The following NRXN3 variants were observed in gnomAD, a reference collection of about 807,000 sequenced individuals.
NRXN3 encodes neurexin 3.
In NRXN3, 32 loss-of-function variants were observed where a neutral mutation model predicts 137.6. That is an observed-to-expected ratio of 0.23 (90% confidence interval 0.18 to 0.31). NRXN3 has a LOEUF of 0.31. Among genes scored for constraint, NRXN3 ranks in the 10% least tolerant of loss-of-function variants. The pLI is 1.00. For synonymous variants in NRXN3, 798 were observed against 784.5 expected (o/e 1.02, Z -0.29); for missense variants, 1,574 against 2,062.5 (o/e 0.76, Z 4.59).
intron 4 of NRXN3, among the ~76,000 whole-genome samples, chr14:78,577,553 C>T (rs893348220): frequency 6.6e-6 from 1 of 152,072 alleles, no homozygotes; most frequent in African/African-American, 2.4e-5. Context: ...ACAACCGCCA[C>T]CTCCCAGGTT....
At chr14:78,433,148 C>T (rs978358615) in intron 4 of NRXN3, among the ~76,000 whole-genome samples, 1 of 152,066 alleles carries the variant, frequency 6.6e-6, no homozygotes. Flanking sequence ...TATTGTTGGC[C>T]AAATTCTATG....
chr14:78,671,694 C>T (rs1056296526), intron 6 of NRXN3, among the ~76,000 whole-genome samples: 1 of 152,072 alleles, frequency 6.6e-6, no homozygotes, highest in Admixed American at 6.6e-5. Context: ...CATTTATATT[C>T]TCCTTTTCTC....
At chr14:78,808,582 A>G (rs1407674537) in intron 9 of NRXN3, among the ~76,000 whole-genome samples, 4 of 151,818 alleles carry the variant, frequency 2.6e-5, no homozygotes, top group Non-Finnish European at 4.4e-5. Flanking sequence ...CACCAGGGGC[A>G]TGGCCTCCTC....
chr14:78,764,513 AC>A (rs2098702514), intron 8 of NRXN3, among the ~76,000 whole-genome samples: 2 of 152,350 alleles, frequency 1.3e-5, no homozygotes, highest in South Asian at 4.1e-4. Context: ...CATGTGGGAA[AC>A]ATACCTTAAA....
intron 4 of NRXN3, among the ~76,000 whole-genome samples, chr14:78,356,340 G>T (rs1404246740): frequency 6.6e-6 from 1 of 152,260 alleles, no homozygotes; most frequent in Non-Finnish European, 1.5e-5. Flanking sequence ...ATATGGGCAA[G>T]TCAGGAATAG....
intron 15 of NRXN3, among the ~76,000 whole-genome samples, chr14:79,387,050 T>G (rs1439945450): frequency 4.6e-5 from 7 of 152,064 alleles, no homozygotes; most frequent in Non-Finnish European, 1.0e-4. Flanking sequence ...GGGCAAGGAC[T>G]TCATGTCTAA....
chr14:79,092,362 A>G (rs946628868), intron 15 of NRXN3, among the ~76,000 whole-genome samples: 1 of 152,178 alleles, frequency 6.6e-6, no homozygotes, highest in East Asian at 1.9e-4. Flanking sequence ...ATATCAAGAA[A>G]AACATAGAAG....
At chr14:79,035,329 T>C (rs10135754) in intron 15 of NRXN3, among the ~76,000 whole-genome samples, 58,030 of 151,964 alleles carry the variant, frequency 0.38, 11,621 homozygotes, top group Admixed American at 0.49. Context: ...CCTCACTCTA[T>C]AGCCTTGTCT....
intron 15 of NRXN3, among the ~76,000 whole-genome samples, chr14:79,381,019 A>G (rs2094455532): frequency 6.6e-6 from 1 of 152,076 alleles, no homozygotes; most frequent in Admixed American, 6.6e-5. Flanking sequence ...ACAGGCAGGT[A>G]AAGGGTACAC....
intron 4 of NRXN3, among the ~76,000 whole-genome samples, chr14:78,595,139 A>G (rs115827841): frequency 0.031 from 4,674 of 152,288 alleles, 194 homozygotes; most frequent in African/African-American, 0.094. Context: ...TGATTGAGGC[A>G]ACTGTAGTTG....
intron 10 of NRXN3, among the ~76,000 whole-genome samples, chr14:78,938,747 A>G (rs31451): frequency 0.11 from 16,981 of 151,864 alleles, 1,224 homozygotes; most frequent in African/African-American, 0.19. Context: ...TAGATGTTGC[A>G]TATCTTTGGC....
chr14:78,238,116 G>A (rs2153448557), intron 1 of NRXN3, among the ~76,000 whole-genome samples: 1 of 151,176 alleles, frequency 6.6e-6, no homozygotes, highest in Admixed American at 6.6e-5. Context: ...GTGGCAAATA[G>A]CCCACATGTC....
intron 1 of NRXN3, among the ~76,000 whole-genome samples, chr14:78,224,646 G>A (rs537432167): frequency 2.9e-4 from 43 of 150,566 alleles, no homozygotes; most frequent in African/African-American, 1.0e-3. Context: ...TGGTGTATAT[G>A]TGCCACATTT....
intron 16 of NRXN3, among the ~76,000 whole-genome samples, chr14:79,595,046 C>A (rs903978172): frequency 6.6e-5 from 10 of 152,104 alleles, no homozygotes; most frequent in African/African-American, 2.4e-4. Context: ...TGAAAATTGG[C>A]AGTTATGTAT....
At chr14:79,646,872 C>A (rs1328495198) in intron 16 of NRXN3, among the ~76,000 whole-genome samples, 3 of 136,044 alleles carry the variant, frequency 2.2e-5, no homozygotes, top group African/African-American at 7.3e-5. Flanking sequence ...TCTAGTGAGA[C>A]TCCTTTCTTC....
chr14:79,210,144 C>A (rs61995406), intron 15 of NRXN3, among the ~76,000 whole-genome samples: 15,532 of 152,172 alleles, frequency 0.1, 1,112 homozygotes, highest in Non-Finnish European at 0.15. Flanking sequence ...TTTCTTCAGT[C>A]CCTGTCTTCC....
At chr14:79,482,111 T>C (rs912811538) in intron 16 of NRXN3, among the ~76,000 whole-genome samples, 5 of 152,218 alleles carry the variant, frequency 3.3e-5, no homozygotes, top group African/African-American at 1.2e-4. Flanking sequence ...CATCTTAGCA[T>C]AATTCAGGTG....
chr14:79,208,705 A>C (rs1244604096), intron 15 of NRXN3, among the ~76,000 whole-genome samples: 1 of 152,198 alleles, frequency 6.6e-6, no homozygotes, highest in Admixed American at 6.5e-5. Flanking sequence ...TGGATATAAC[A>C]GTTATTTTTC....
chr14:79,452,725 G>C (rs1213776506), intron 15 of NRXN3, among the ~76,000 whole-genome samples: 1 of 152,188 alleles, frequency 6.6e-6, no homozygotes, highest in Non-Finnish European at 1.5e-5. Context: ...GAGATGGAAA[G>C]TGTATTTGAA....
Sources: allele counts gnomAD v4.1 joint callset (sites outside exome capture counted in the v4.1 genomes callset), GRCh38; gene constraint gnomAD v4.1.1; transcripts MANE v1.5; gene names NCBI Gene and HGNC (gene_info 2026-07-23, HGNC 2026-07-21).